Variants in RAB39A observed in about 807,000 individuals in gnomAD.
RAB39A encodes RAB39A, member RAS oncogene family.
In RAB39A, 17 loss-of-function variants were observed where a neutral mutation model predicts 20.9. The ratio of observed to expected loss-of-function variants is 0.81; its 90% CI spans 0.56 to 1.22. The LOEUF is 1.22. RAB39A is among the 50% of genes most tolerant of loss of function. The pLI is 0.00. For synonymous variants in RAB39A, 99 were observed against 103.4 expected (o/e 0.96, Z 0.26); for missense variants, 234 against 270.5 (o/e 0.87, Z 0.95).
At chr11:107,946,727 G>A (rs1322102876) in intron 1 of RAB39A, among the ~76,000 whole-genome samples, 3 of 150,976 alleles carry the variant, frequency 2.0e-5, no homozygotes, top group African/African-American at 7.3e-5. Flanking sequence ...GCCCACCTCG[G>A]CCTCCCAAGG....
chr11:107,946,450 ATATATATATATTTTTTTTTT>A (rs1565464284), intron 1 of RAB39A, among the ~76,000 whole-genome samples: 10 of 72,436 alleles, frequency 1.4e-4, no homozygotes, highest in African/African-American at 5.4e-4. Flanking sequence ...ATATATATAT[ATATATATATATTTTTTTTTT>A]TTTTTTTTTT....
intron 1 of RAB39A, among the ~76,000 whole-genome samples, chr11:107,946,428 GTGTGTGTGTATATATA>G (rs1293815646): frequency 1.0e-4 from 2 of 19,778 alleles, no homozygotes; most frequent in East Asian, 2.2e-3. Flanking sequence ...GTGTGTGTGT[GTGTGTGTGTATATATA>G]TATATATATA....
At chr11:107,948,801 C>T (rs1861344937) in intron 1 of RAB39A, among the ~76,000 whole-genome samples, 1 of 152,222 alleles carries the variant, frequency 6.6e-6, no homozygotes, top group East Asian at 1.9e-4. Flanking sequence ...TTCCTGTTCC[C>T]CCAACTTGTC....
chr11:107,933,216 C>T (rs780875080), intron 1 of RAB39A, among the ~76,000 whole-genome samples: 1 of 151,830 alleles, frequency 6.6e-6, no homozygotes, highest in African/African-American at 2.4e-5. Flanking sequence ...TTTTATCTGA[C>T]GTTACCTGGC....
At chr11:107,943,629 A>G (rs746520256) in intron 1 of RAB39A, among the ~76,000 whole-genome samples, 4 of 152,112 alleles carry the variant, frequency 2.6e-5, no homozygotes, top group African/African-American at 4.8e-5. Flanking sequence ...AAATCCATGC[A>G]TTTATTTACC....
At chr11:107,929,566 A>C (rs1861116370) in intron 1 of RAB39A, among the ~76,000 whole-genome samples, 1 of 152,112 alleles carries the variant, frequency 6.6e-6, no homozygotes, top group Admixed American at 6.6e-5. Context: ...AAAGACATAT[A>C]TTGAGATTCG....
chr11:107,961,678 A>C (rs564906794), intron 1 of RAB39A, among the ~76,000 whole-genome samples: 1 of 140,854 alleles, frequency 7.1e-6, no homozygotes, highest in Admixed American at 6.7e-5. Flanking sequence ...AAAAACAAAT[A>C]ATCAGACAGT....
At chr11:107,946,780 A>AT (rs887754002) in intron 1 of RAB39A, among the ~76,000 whole-genome samples, 13 of 151,184 alleles carry the variant, frequency 8.6e-5, no homozygotes, top group African/African-American at 2.7e-4. Flanking sequence ...AGCCGATACT[A>AT]TTTTTTTTAA....
intron 1 of RAB39A, among the ~76,000 whole-genome samples, chr11:107,938,617 T>C (rs1030667918): frequency 6.8e-6 from 1 of 147,370 alleles, no homozygotes; most frequent in African/African-American, 2.5e-5. Flanking sequence ...GCCCCTGTAG[T>C]CCCAGCTACT....
At chr11:107,947,807 C>CAAAAAAAAAAAAAAAAAAAAAAAAAAAA (rs35694249) in intron 1 of RAB39A, among the ~76,000 whole-genome samples, 7 of 80,218 alleles carry the variant, frequency 8.7e-5, no homozygotes, top group South Asian at 6.0e-4. Context: ...CATCAACAGG[C>CAAAAAAAAAAAAAAAAAAAAAAAAAAAA]AAAAAAAAAA....
rs1015731696 is a variant in RAB39A at position 107,961,682 on chromosome 11, A to C, written c.228-264A>C. Reference sequence around the variant, plus strand: ...TTTTTGAAAGCAAAAACAAATAATCAGACAGTATGAGATGACATAGCATGT... The same window carrying C: ...TTTTTGAAAGCAAAAACAAATAATCCGACAGTATGAGATGACATAGCATGT... On this transcript the variant is annotated intron_variant, in intron 1 of 1. Transcript: ENST00000320578. Among the ~76,000 whole-genome samples, 98 of 140,922 alleles carry C rather than the reference A, an allele frequency of 7.0e-4. 2 individuals are homozygous for C. Among genetic ancestry groups the C allele is most frequent in the African/African-American group, 3.2e-3 (98 of 30,836 alleles). 92.5% of individuals were successfully genotyped at this position (140,922 alleles called of 152,430 possible). A position where few individuals can be genotyped will look rare whatever the true frequency, so the allele number is the denominator to read the frequency against.
chr11:107,954,045 T>A (rs1338466537), intron 1 of RAB39A, among the ~76,000 whole-genome samples: 1 of 152,194 alleles, frequency 6.6e-6, no homozygotes, highest in African/African-American at 2.4e-5. Context: ...GCAGTCTGCA[T>A]GTTCATGGAT....
chr11:107,941,263 T>C (rs981084260), intron 1 of RAB39A, among the ~76,000 whole-genome samples: 7 of 152,156 alleles, frequency 4.6e-5, no homozygotes, highest in Admixed American at 2.6e-4. Context: ...AAGGCAGATA[T>C]GGTGTTTCCC....
intron 1 of RAB39A, among the ~76,000 whole-genome samples, chr11:107,938,249 A>G (rs565349994): frequency 1.4e-4 from 21 of 151,038 alleles, no homozygotes; most frequent in African/African-American, 5.1e-4. Context: ...AATCCCAGCT[A>G]CTCGAGAGGC....
chr11:107,953,277 C>G (rs1861400353), intron 1 of RAB39A, among the ~76,000 whole-genome samples: 1 of 152,014 alleles, frequency 6.6e-6, no homozygotes, highest in Non-Finnish European at 1.5e-5. Flanking sequence ...CCATTTTTTT[C>G]TTACAAAGTC....
chr11:107,952,293 C>A (rs1591247775), intron 1 of RAB39A, among the ~76,000 whole-genome samples: 1 of 152,132 alleles, frequency 6.6e-6, no homozygotes, highest in Non-Finnish European at 1.5e-5. Context: ...GTAAAATAAG[C>A]CAGTCAGGCC....
chr11:107,937,716 T>A (rs1396268309), intron 1 of RAB39A, among the ~76,000 whole-genome samples: 6 of 151,848 alleles, frequency 4.0e-5, no homozygotes, highest in African/African-American at 1.5e-4. Context: ...GTATGAAAAA[T>A]TTTAAAACAA....
At chr11:107,954,471 C>T (rs1278785769) in intron 1 of RAB39A, among the ~76,000 whole-genome samples, 1 of 152,178 alleles carries the variant, frequency 6.6e-6, no homozygotes, top group Non-Finnish European at 1.5e-5. Context: ...GCATGCCAAA[C>T]CCTTCGCGTC....
intron 1 of RAB39A, 60 bp from the exon 2 acceptor site, chr11:107,961,886 G>T: frequency 7.7e-7 from 1 of 1,291,662 alleles, no homozygotes; most frequent in Non-Finnish European, 1.1e-6. Flanking sequence ...CTAGATTGTT[G>T]GAAGGAGAAG....
Sources: gnomAD v4.1 joint callset for allele counts (sites outside exome capture counted in the v4.1 genomes callset) on GRCh38, gnomAD v4.1.1 for gene constraint, MANE v1.5 for transcripts, NCBI Gene and HGNC (gene_info 2026-07-23, HGNC 2026-07-21) for gene names.